The following PLPP3 variants were observed in gnomAD, a reference collection of about 807,000 sequenced individuals.
PLPP3 encodes phospholipid phosphatase 3.
A neutral mutation model predicts 29.6 loss-of-function variants in PLPP3; 6 were observed. That is an observed-to-expected ratio of 0.20 (90% CI 0.11 to 0.40). The LOEUF is 0.40. PLPP3 is among the 10% of genes least tolerant of loss of function. The pLI is 1.00. For missense variants in PLPP3, 308 were observed against 407.7 expected, an observed-to-expected ratio of 0.76 and a Z score of 2.11; for synonymous variants, 152 against 159.7, an observed-to-expected ratio of 0.95 and a Z score of 0.36.
intron 1 of PLPP3, among the ~76,000 whole-genome samples, chr1:56,571,255 T>G (rs957448289): frequency 2.0e-5 from 3 of 152,234 alleles, no homozygotes; most frequent in African/African-American, 2.4e-5. Flanking sequence ...TGATAATGAC[T>G]GCAGCAACTA....
In PLPP3 at chr1:56,557,031, AGAGAG is replaced by A. The variant is rs1646086139; in HGVS notation, c.140-19924_140-19920del. ...GAAAGAGAGAGAGAGAGAGAAAGAG[AGAGAG>A]AGAGAGAGAGAGAGAGAGAGAGAAA... On this transcript the variant is annotated intron_variant, in intron 1 of 5. Coordinates refer to ENST00000371250, the MANE Select transcript of PLPP3 (RefSeq NM_003713.5). Among the ~76,000 whole-genome samples the A allele has an allele frequency of 2.6e-4, 10 of 38,326 alleles. 1 individual carries two copies. Among genetic ancestry groups the A allele is most frequent in the South Asian group, 5.3e-4 (1 of 1,904 alleles). 25.1% of individuals were successfully genotyped at this position (38,326 alleles called of 152,430 possible). A position where few individuals can be genotyped will look rare whatever the true frequency, so the allele number is the denominator to read the frequency against.
intron 1 of PLPP3, among the ~76,000 whole-genome samples, chr1:56,547,632 T>C (rs949691931): frequency 2.0e-5 from 3 of 152,274 alleles, no homozygotes; most frequent in African/African-American, 7.2e-5. Flanking sequence ...AAATACACTA[T>C]AGGGCACTCC....
chr1:56,509,832 C>CA (rs59418227), intron 5 of PLPP3, among the ~76,000 whole-genome samples: 36,500 of 86,010 alleles, frequency 0.42, 8,111 homozygotes, highest in Middle Eastern at 0.61. Context: ...GCGAGACTCT[C>CA]AAAAAAAAAA....
At chr1:56,555,433 TAAAAAAAAAA>T (rs66593221) in intron 1 of PLPP3, among the ~76,000 whole-genome samples, 5 of 33,216 alleles carry the variant, frequency 1.5e-4, no homozygotes, top group Non-Finnish European at 2.2e-4. Flanking sequence ...GGCCAAACAC[TAAAAAAAAAA>T]AAAAAAAAAA....
intron 5 of PLPP3, among the ~76,000 whole-genome samples, chr1:56,506,881 T>A (rs1252424908): frequency 6.6e-6 from 1 of 152,236 alleles, no homozygotes; most frequent in African/African-American, 2.4e-5. Flanking sequence ...CCTCATGGTC[T>A]ATCTGGGCTG....
intron 4 of PLPP3, 52 bp downstream of exon 4, chr1:56,523,771 A>G: frequency 6.4e-7 from 1 of 1,554,060 alleles, no homozygotes; most frequent in Non-Finnish European, 8.9e-7. Flanking sequence ...TCATATCAGA[A>G]GGGATCGAAG....
chr1:56,578,067 T>G (rs1291153764), intron 1 of PLPP3, among the ~76,000 whole-genome samples: 3 of 152,166 alleles, frequency 2.0e-5, no homozygotes, highest in Non-Finnish European at 4.4e-5. Flanking sequence ...CTCTTCCAGC[T>G]GTGGCTTCCA....
chr1:56,576,992 G>A (rs1489867570), intron 1 of PLPP3, among the ~76,000 whole-genome samples: 1 of 152,134 alleles, frequency 6.6e-6, no homozygotes, highest in Non-Finnish European at 1.5e-5. Context: ...AATCACAAGG[G>A]TGGAAAGGAA....
At chr1:56,569,970 T>A (rs1646186951) in intron 1 of PLPP3, among the ~76,000 whole-genome samples, 1 of 152,220 alleles carries the variant, frequency 6.6e-6, no homozygotes, top group African/African-American at 2.4e-5. Flanking sequence ...TTCACTGTGC[T>A]GCTAGAGTAG....
chr1:56,526,150 G>C (rs1557503689), intron 2 of PLPP3, among the ~76,000 whole-genome samples: 1 of 152,184 alleles, frequency 6.6e-6, no homozygotes, highest in East Asian at 1.9e-4. Context: ...GCCGTTTCCT[G>C]AGAGAGCAAA....
intron 4 of PLPP3, among the ~76,000 whole-genome samples, chr1:56,518,241 TG>T (rs1295012060): frequency 6.6e-6 from 1 of 152,164 alleles, no homozygotes; most frequent in African/African-American, 2.4e-5. Flanking sequence ...CCAGGATCTG[TG>T]GGTACACCTC....
intron 4 of PLPP3, among the ~76,000 whole-genome samples, chr1:56,520,500 C>G (rs148930376): frequency 1.3e-5 from 2 of 152,254 alleles, no homozygotes; most frequent in African/African-American, 4.8e-5. Context: ...AAGGGCTTCT[C>G]GGACTGACTG....
intron 2 of PLPP3, among the ~76,000 whole-genome samples, chr1:56,527,227 AG>A (rs1197082061): frequency 3.3e-5 from 5 of 152,196 alleles, no homozygotes; most frequent in Admixed American, 2.0e-4. Context: ...CCTTCACTCA[AG>A]GGAAAACAAG....
chr1:56,513,574 A>T (rs1645760364), intron 4 of PLPP3: 1 of 152,214 alleles, frequency 6.6e-6, no homozygotes, highest in Non-Finnish European at 1.5e-5. Flanking sequence ...GGAAGATCCC[A>T]GAATCATTCT....
At chr1:56,551,149 A>C (rs1445131387) in intron 1 of PLPP3, among the ~76,000 whole-genome samples, 2 of 152,140 alleles carry the variant, frequency 1.3e-5, no homozygotes, top group African/African-American at 4.8e-5. Context: ...GGAAGCACTT[A>C]CAGTATATAC....
In PLPP3 at chr1:56,496,379, C is replaced by T; in HGVS notation, c.*172G>A. 1.5e-6 allele frequency: 1 copy of T among 683,644 alleles called. No homozygotes were observed. Among genetic ancestry groups the T allele is most frequent in the Non-Finnish European group, 2.3e-6 (1 of 428,872 alleles). The allele number at this position is 683,644 out of a possible 1,614,324, so 42.3% of individuals were successfully genotyped here. A position where few individuals can be genotyped will look rare whatever the true frequency, so the allele number is the denominator to read the frequency against. On this transcript the variant is annotated 3_prime_UTR_variant, in exon 6 of 6. Transcript: ENST00000371250. Reference sequence around the variant, plus strand: ...TAGTTTGCTGTTGTTTCCACATAGGCAAACACTACCTATTTTGGAAGGCCA... The same window carrying T: ...TAGTTTGCTGTTGTTTCCACATAGGTAAACACTACCTATTTTGGAAGGCCA...
At chr1:56,566,239 G>A (rs1251176840) in intron 1 of PLPP3, among the ~76,000 whole-genome samples, 2 of 152,320 alleles carry the variant, frequency 1.3e-5, no homozygotes, top group African/African-American at 4.8e-5. Flanking sequence ...CAATGCGAAA[G>A]CCAGCATGGA....
At chr1:56,529,500 A>T (rs1428850321) in intron 2 of PLPP3, among the ~76,000 whole-genome samples, 1 of 152,194 alleles carries the variant, frequency 6.6e-6, no homozygotes, top group Non-Finnish European at 1.5e-5. Flanking sequence ...GAAAAGATTA[A>T]TTCAACAAAC....
At chr1:56,559,822 T>C (rs1186868783) in intron 1 of PLPP3, among the ~76,000 whole-genome samples, 1 of 152,142 alleles carries the variant, frequency 6.6e-6, no homozygotes, top group Non-Finnish European at 1.5e-5. Flanking sequence ...ATCTGGAAAA[T>C]GGGGATGAGG....
Sources: gnomAD v4.1 joint callset for allele counts (sites outside exome capture counted in the v4.1 genomes callset) on GRCh38, gnomAD v4.1.1 for gene constraint, MANE v1.5 for transcripts, NCBI Gene and HGNC (gene_info 2026-07-23, HGNC 2026-07-21) for gene names.